Variants in CCDC178 observed in about 807,000 individuals in gnomAD.
The protein encoded by CCDC178 is coiled-coil domain containing 178, also known as coiled-coil domain-containing protein 178.
CCDC178 carries 126 observed loss-of-function variants against 117.4 expected under a neutral mutation model. That is an observed-to-expected ratio of 1.07 (90% CI 0.93 to 1.24). The LOEUF is 1.24. Ranked by LOEUF, CCDC178 falls within the 50% of genes most tolerant of loss-of-function variation. CCDC178 has a pLI of 0.00. For synonymous variants in CCDC178, 283 were observed against 313.4 expected (o/e 0.90, Z 1.02); for missense variants, 1,030 against 986.9 (o/e 1.04, Z -0.59).
chr18:33,218,937 T>A (rs1056691629), intron 18 of CCDC178, among the ~76,000 whole-genome samples: 24 of 152,306 alleles, frequency 1.6e-4, no homozygotes, highest in African/African-American at 5.8e-4. Context: ...CAATGTGGGC[T>A]CTTTTTTGGT....
intron 12 of CCDC178, among the ~76,000 whole-genome samples, chr18:33,271,524 CAAAG>C (rs1403557780): frequency 2.0e-5 from 3 of 151,314 alleles, no homozygotes; most frequent in Non-Finnish European, 4.4e-5. Flanking sequence ...CTAGAACAAA[CAAAG>C]AATTACATTT....
chr18:33,125,802 G>T (rs1459327543), intron 20 of CCDC178, among the ~76,000 whole-genome samples: 5 of 152,216 alleles, frequency 3.3e-5, no homozygotes, highest in African/African-American at 1.2e-4. Context: ...AGGGCCTTCT[G>T]CTGAAGTGCT....
intron 2 of CCDC178, among the ~76,000 whole-genome samples, chr18:33,438,828 A>G (rs565542669): frequency 1.4e-3 from 210 of 152,186 alleles, no homozygotes; most frequent in African/African-American, 4.8e-3. Flanking sequence ...GTTGTCTGTA[A>G]TCTGCCATCT....
intron 20 of CCDC178, among the ~76,000 whole-genome samples, chr18:33,106,845 T>C (rs1197494203): frequency 6.6e-6 from 1 of 151,690 alleles, no homozygotes; most frequent in Admixed American, 6.6e-5. Context: ...GTATGGGAAT[T>C]GAGATCCGTC....
chr18:33,048,973 A>G (rs1183238055), intron 21 of CCDC178, among the ~76,000 whole-genome samples: 2 of 152,164 alleles, frequency 1.3e-5, no homozygotes, highest in Non-Finnish European at 2.9e-5. Context: ...TAACTTGTCA[A>G]TATTTTGTAA....
chr18:33,108,808 C>G (rs1171954628), intron 20 of CCDC178, among the ~76,000 whole-genome samples: 1 of 151,590 alleles, frequency 6.6e-6, no homozygotes, highest in East Asian at 1.9e-4. Context: ...AAAGTGTGTA[C>G]TTTGATAACT....
At chr18:33,200,473 C>G (rs977634246) in intron 20 of CCDC178, among the ~76,000 whole-genome samples, 2 of 152,226 alleles carry the variant, frequency 1.3e-5, no homozygotes, top group East Asian at 3.8e-4. Context: ...ACCTAGCACA[C>G]AAACTCCTTA....
chr18:33,396,877 T>C (rs2063644685), intron 4 of CCDC178, among the ~76,000 whole-genome samples: 1 of 152,102 alleles, frequency 6.6e-6, no homozygotes, highest in Admixed American at 6.6e-5. Flanking sequence ...TAATCATTTA[T>C]GAAAAAAACC....
At chr18:33,217,801 G>A (rs1028703402) in intron 18 of CCDC178, among the ~76,000 whole-genome samples, 2 of 151,962 alleles carry the variant, frequency 1.3e-5, no homozygotes, top group Non-Finnish European at 2.9e-5. Context: ...TGGGTGACAT[G>A]ACCAATACAA....
At chr18:33,430,946 G>A (rs1053710480) in intron 2 of CCDC178, among the ~76,000 whole-genome samples, 1 of 151,848 alleles carries the variant, frequency 6.6e-6, no homozygotes, top group Admixed American at 6.6e-5. Flanking sequence ...GCGGTGGTGG[G>A]CCCCTGTGGT....
chr18:33,263,956 A>G (rs2059783038), intron 14 of CCDC178, among the ~76,000 whole-genome samples: 1 of 152,138 alleles, frequency 6.6e-6, no homozygotes, highest in Non-Finnish European at 1.5e-5. Context: ...GCACTGAAGC[A>G]TGAGCTAGAA....
At chr18:32,951,614 G>C (rs1440251020) in intron 22 of CCDC178, among the ~76,000 whole-genome samples, 1 of 152,126 alleles carries the variant, frequency 6.6e-6, no homozygotes, top group Non-Finnish European at 1.5e-5. Context: ...TTTGGGTGGG[G>C]CACCAAGCCA....
intron 21 of CCDC178, among the ~76,000 whole-genome samples, chr18:33,090,935 C>G (rs1450212440): frequency 1.3e-5 from 2 of 152,134 alleles, no homozygotes; most frequent in African/African-American, 4.8e-5. Flanking sequence ...TTTGCTCTTA[C>G]TATGAAAATG....
intron 5 of CCDC178, among the ~76,000 whole-genome samples, chr18:33,388,411 T>C (rs2063522761): frequency 6.6e-6 from 1 of 151,752 alleles, no homozygotes; most frequent in Non-Finnish European, 1.5e-5. Context: ...TACATGCATG[T>C]GTTATGTTCA....
intron 11 of CCDC178, among the ~76,000 whole-genome samples, chr18:33,295,751 T>C (rs2062098273): frequency 2.0e-5 from 3 of 152,112 alleles, no homozygotes; most frequent in Admixed American, 1.3e-4. Context: ...CACTACAAAC[T>C]TACTAGTCCA....
intron 21 of CCDC178, among the ~76,000 whole-genome samples, chr18:33,024,203 T>C (rs572150168): frequency 6.6e-6 from 1 of 152,222 alleles, no homozygotes; most frequent in Non-Finnish European, 1.5e-5. Flanking sequence ...ACATTCTCTG[T>C]ATCAATTTGC....
intron 21 of CCDC178, among the ~76,000 whole-genome samples, chr18:32,998,323 C>A (rs918311426): frequency 3.3e-5 from 5 of 152,184 alleles, no homozygotes; most frequent in African/African-American, 7.2e-5. Context: ...GCAATCAGAA[C>A]CCCCGAGTTC....
At chr18:32,995,078 A>G in intron 21 of CCDC178, among the ~76,000 whole-genome samples, 1 of 152,240 alleles carries the variant, frequency 6.6e-6, no homozygotes, top group East Asian at 1.9e-4. Context: ...GCACTGGATC[A>G]GCCATTGTGT....
intron 12 of CCDC178, among the ~76,000 whole-genome samples, chr18:33,272,102 G>A (rs1467888103): frequency 6.6e-6 from 1 of 151,298 alleles, no homozygotes; most frequent in Non-Finnish European, 1.5e-5. Context: ...GCAAAAAGTG[G>A]AGAGAATCAA....
Sources: gnomAD v4.1 joint callset for allele counts (sites outside exome capture counted in the v4.1 genomes callset) on GRCh38, gnomAD v4.1.1 for gene constraint, MANE v1.5 for transcripts, NCBI Gene and HGNC (gene_info 2026-07-23, HGNC 2026-07-21) for gene names.